The following CAMSAP1 variants were observed in gnomAD, a reference collection of about 807,000 sequenced individuals.
The protein encoded by CAMSAP1 is calmodulin regulated spectrin associated protein 1, also known as calmodulin-regulated spectrin-associated protein 1.
A neutral mutation model predicts 143.5 loss-of-function variants in CAMSAP1; 58 were observed. The ratio of observed to expected loss-of-function variants is 0.40; its 90% CI spans 0.33 to 0.50. The LOEUF is 0.50. CAMSAP1 is among the 20% of genes least tolerant of loss of function. The probability of loss-of-function intolerance (pLI) is 0.45; values close to 1 mark genes in which losing one functional copy is unlikely to be tolerated. For missense variants in CAMSAP1, 1,969 were observed against 2,115.7 expected (o/e 0.93, Z 1.36); for synonymous variants, 945 against 859.3 (o/e 1.10, Z -1.74).
intron 1 of CAMSAP1, among the ~76,000 whole-genome samples, chr9:135,884,524 A>C (rs1838062436): frequency 6.6e-6 from 1 of 152,170 alleles, no homozygotes; most frequent in African/African-American, 2.4e-5. Context: ...TTTTTGTTTT[A>C]AGCATGGTTG....
chr9:135,883,189 C>A (rs1838015191), intron 1 of CAMSAP1, 111 bp from the exon 2 acceptor site: 3 of 1,170,368 alleles, frequency 2.6e-6, no homozygotes, highest in Non-Finnish European at 3.5e-6. Flanking sequence ...CTGGGCAACA[C>A]AGGGAGACCA....
intron 1 of CAMSAP1, among the ~76,000 whole-genome samples, chr9:135,885,353 G>C (rs1564458167): frequency 6.6e-6 from 1 of 152,124 alleles, no homozygotes; most frequent in Non-Finnish European, 1.5e-5. Context: ...AGCCTAACCG[G>C]CCTGGTCCAA....
At chr9:135,901,763 T>TA (rs1299879881) in intron 1 of CAMSAP1, among the ~76,000 whole-genome samples, 1 of 152,090 alleles carries the variant, frequency 6.6e-6, no homozygotes, top group Non-Finnish European at 1.5e-5. Context: ...GACATCCCCC[T>TA]ACTTAAAAAC....
intron 7 of CAMSAP1, chr9:135,836,772 T>C (rs1836066882): frequency 1.0e-6 from 1 of 980,346 alleles, no homozygotes. Context: ...CCTTCTACCC[T>C]GTTCTACAGA....
chr9:135,815,900 G>A lies in CAMSAP1; in HGVS notation c.4377C>T (p.Ala1459=), dbSNP rs772810211. The A allele has an allele frequency of 2.2e-5, 36 of 1,613,484 alleles. No individual in the cohort carries two copies. In the East Asian group the frequency reaches 2.9e-4, roughly 13 times the overall value. ...ASAASSLASV[A]EYTGPKLFKE... ...GGCGAACGCCGTCACCTGTGTACTC[G>A]GCCACTGAGGCCAGGGAAGATGCCG... Residue 1459 remains alanine (A), a synonymous_variant, in exon 15 of 17, where the codon GCC becomes GCT. Coordinates refer to ENST00000389532, the MANE Select transcript of CAMSAP1 (RefSeq NM_015447.4).
chr9:135,812,187 C>T (rs574357766), intron 16 of CAMSAP1, among the ~76,000 whole-genome samples: 8 of 152,246 alleles, frequency 5.3e-5, no homozygotes, highest in African/African-American at 9.6e-5. Flanking sequence ...AAAGTAGAAA[C>T]GAAAATATCA....
intron 10 of CAMSAP1, 60 bp downstream of exon 10, chr9:135,823,890 G>A: frequency 1.5e-6 from 2 of 1,351,342 alleles, no homozygotes; most frequent in Admixed American, 2.0e-5. Context: ...GACATCTTAA[G>A]AACTGCTGTT....
chr9:135,817,325 TAC>T (rs1835264547), intron 14 of CAMSAP1, among the ~76,000 whole-genome samples: 2 of 152,168 alleles, frequency 1.3e-5, no homozygotes, highest in Admixed American at 1.3e-4. Flanking sequence ...TTCTAGGAAA[TAC>T]ACACTTAAGT....
intron 5 of CAMSAP1, among the ~76,000 whole-genome samples, chr9:135,853,288 G>A (rs1836841545): frequency 6.6e-6 from 1 of 152,196 alleles, no homozygotes; most frequent in Admixed American, 6.5e-5. Flanking sequence ...TCCAGATGAA[G>A]GGAAACTATG....
intron 1 of CAMSAP1, among the ~76,000 whole-genome samples, chr9:135,885,257 T>G (rs1838086268): frequency 6.6e-6 from 1 of 152,094 alleles, no homozygotes; most frequent in African/African-American, 2.4e-5. Context: ...AGACACACAG[T>G]CATCCCCAAA....
chr9:135,820,756 G>T lies in CAMSAP1; in HGVS notation c.3822+83C>A. On this transcript the variant is annotated intron_variant, in intron 11 of 16. Transcript: ENST00000389532. The surrounding 1 kb of genome is among the most constrained non-coding windows in gnomAD (Gnocchi z 4.4). ...TACAGGAGCGGCTGGCCAGCCTGGTGCAGATCTGTGTTCTCTAACTCACTA... is the reference window on the plus strand; with the variant it reads ...TACAGGAGCGGCTGGCCAGCCTGGTTCAGATCTGTGTTCTCTAACTCACTA... 6.6e-7 allele frequency: 1 copy of T among 1,526,206 alleles called. No homozygotes were observed. The highest frequency in any genetic ancestry group is 8.8e-7 in the Non-Finnish European group (1 of 1,133,714). The allele number at this position is 1,526,206 out of a possible 1,614,324, so 94.5% of individuals were successfully genotyped here.
chr9:135,876,886 G>A (rs369771734), intron 3 of CAMSAP1, among the ~76,000 whole-genome samples: 83 of 152,232 alleles, frequency 5.5e-4, no homozygotes, highest in Middle Eastern at 3.4e-3. Context: ...GCAGGCGCCT[G>A]TAATCTCAGC....
chr9:135,889,138 A>G (rs539333110), intron 1 of CAMSAP1, among the ~76,000 whole-genome samples: 1 of 152,334 alleles, frequency 6.6e-6, no homozygotes, highest in Admixed American at 6.5e-5. Flanking sequence ...TCTGAGGGCC[A>G]CAGCCCACAG....
intron 3 of CAMSAP1, among the ~76,000 whole-genome samples, chr9:135,879,519 C>A (rs987677348): frequency 1.3e-5 from 2 of 152,092 alleles, no homozygotes; most frequent in African/African-American, 4.8e-5. Context: ...TTTTCTATGT[C>A]TTTACCATAG....
At chr9:135,853,201 A>G (rs900438779) in intron 5 of CAMSAP1, among the ~76,000 whole-genome samples, 1 of 152,102 alleles carries the variant, frequency 6.6e-6, no homozygotes, top group Non-Finnish European at 1.5e-5. Context: ...CTCCAGACAA[A>G]CACACCAAGG....
chr9:135,890,393 G>A (rs1177101418), intron 1 of CAMSAP1, among the ~76,000 whole-genome samples: 3 of 152,120 alleles, frequency 2.0e-5, no homozygotes, highest in African/African-American at 4.8e-5. Flanking sequence ...GGCAGAAGAC[G>A]CAATCCAGAG....
intron 4 of CAMSAP1, 23 bp from the exon 5 acceptor site, chr9:135,862,631 G>A (rs772672855): frequency 1.5e-5 from 23 of 1,550,888 alleles, no homozygotes; most frequent in African/African-American, 4.1e-5. Flanking sequence ...AAAGGAAAAC[G>A]GTCTCTGCAT....
At chr9:135,878,559 C>A (rs897348587) in intron 3 of CAMSAP1, among the ~76,000 whole-genome samples, 8 of 152,220 alleles carry the variant, frequency 5.3e-5, no homozygotes, top group Admixed American at 3.3e-4. Context: ...GTACCAACAG[C>A]CCCAAGCTTA....
intron 7 of CAMSAP1, among the ~76,000 whole-genome samples, chr9:135,828,898 T>C (rs894605017): frequency 7.2e-5 from 11 of 152,164 alleles, no homozygotes; most frequent in African/African-American, 2.2e-4. Context: ...TGGGATGATA[T>C]ATTCAAAACG....
Sources: gnomAD v4.1 joint callset for allele counts (sites outside exome capture counted in the v4.1 genomes callset) on GRCh38, gnomAD v4.1.1 for gene constraint, Gnocchi (gnomAD v3.1) non-coding constraint, MANE v1.5 for transcripts, NCBI Gene and HGNC (gene_info 2026-07-23, HGNC 2026-07-21) for gene names.